Variants in PLCB4 observed in about 807,000 individuals in gnomAD.
The protein encoded by PLCB4 is phospholipase C beta 4.
Under a neutral mutation model 178.8 loss-of-function variants are expected in PLCB4, and 77 were observed. That is an observed-to-expected ratio of 0.43 (90% CI 0.36 to 0.52). The LOEUF (loss-of-function observed/expected upper bound fraction) is 0.52. PLCB4 is among the 20% of genes least tolerant of loss of function. PLCB4 has a pLI of 0.00. For synonymous variants in PLCB4, 496 were observed against 490.8 expected (o/e 1.01, Z -0.14); for missense variants, 1,024 against 1,453.4 (o/e 0.70, Z 4.80).
chr20:9,115,300 A>C (rs2091736427), intron 2 of PLCB4, among the ~76,000 whole-genome samples: 1 of 152,126 alleles, frequency 6.6e-6, no homozygotes, highest in Non-Finnish European at 1.5e-5. Flanking sequence ...TGGAATGTGT[A>C]CACATTTTAA....
At chr20:9,311,700 A>T (rs1239055225) in intron 4 of PLCB4, among the ~76,000 whole-genome samples, 1 of 151,772 alleles carries the variant, frequency 6.6e-6, no homozygotes, top group Admixed American at 6.6e-5. Context: ...TTCACCTCAA[A>T]CTCTCCTACT....
intron 3 of PLCB4, among the ~76,000 whole-genome samples, chr20:9,256,195 GT>G (rs1342472658): frequency 6.6e-6 from 1 of 152,160 alleles, no homozygotes; most frequent in African/African-American, 2.4e-5. Flanking sequence ...TAGCTTCTTT[GT>G]TGTCCCTTGT....
Position 9,444,100 on chromosome 20 carries a change from T to G in PLCB4, c.2814+70T>G, listed in dbSNP as rs2042264863. On this transcript the variant is annotated intron_variant, in intron 31 of 39. Coordinates refer to ENST00000378473, the MANE Select transcript of PLCB4 (RefSeq NM_001377142.1). ...ATTGGTGACACCAATATATTTTTGT[T>G]TCTCACCAAGTGTAATCATTGTGAT... 3.5e-6 allele frequency: 5 copies of G among 1,444,210 alleles called. No individual in the cohort carries two copies. In the South Asian group the frequency reaches 4.8e-5, roughly 14 times the overall value. The allele number at this position is 1,444,210 out of a possible 1,614,324, so 89.5% of individuals were successfully genotyped here.
intron 25 of PLCB4, among the ~76,000 whole-genome samples, chr20:9,418,703 A>G (rs931061530): frequency 4.6e-5 from 7 of 152,136 alleles, no homozygotes; most frequent in African/African-American, 1.7e-4. Context: ...GTTTCTACCA[A>G]AAAGTCAGCT....
intron 4 of PLCB4, among the ~76,000 whole-genome samples, chr20:9,313,184 AATG>A (rs1462697804): frequency 1.3e-5 from 2 of 152,232 alleles, no homozygotes; most frequent in Non-Finnish European, 2.9e-5. Flanking sequence ...CAGTCATCAA[AATG>A]ATAATAATCA....
At chr20:9,259,616 T>A (rs2094276224) in intron 3 of PLCB4, among the ~76,000 whole-genome samples, 1 of 152,084 alleles carries the variant, frequency 6.6e-6, no homozygotes, top group South Asian at 2.1e-4. Flanking sequence ...AATGGCATAC[T>A]GTGGAGTTAA....
intron 2 of PLCB4, among the ~76,000 whole-genome samples, chr20:9,178,704 T>C (rs2093195443): frequency 6.6e-6 from 1 of 151,916 alleles, no homozygotes. Context: ...ATTTCACCCT[T>C]AGGGGCTAAA....
chr20:9,387,051 C>T (rs1023409279), intron 14 of PLCB4, among the ~76,000 whole-genome samples: 1 of 151,862 alleles, frequency 6.6e-6, no homozygotes, highest in African/African-American at 2.4e-5. Flanking sequence ...AAGTAGCCAT[C>T]ACACCTGGCT....
At chr20:9,266,314 C>A (rs987280408) in intron 3 of PLCB4, among the ~76,000 whole-genome samples, 1 of 152,108 alleles carries the variant, frequency 6.6e-6, no homozygotes, top group Non-Finnish European at 1.5e-5. Flanking sequence ...TTAACAAGCT[C>A]GCTTGGTAAT....
At chr20:9,104,031 A>T in intron 2 of PLCB4, among the ~76,000 whole-genome samples, 1 of 152,066 alleles carries the variant, frequency 6.6e-6, no homozygotes, top group East Asian at 1.9e-4. Flanking sequence ...TAAGTGCTTG[A>T]AACAGTAACA....
At chr20:9,202,344 A>G (rs1353554673) in intron 2 of PLCB4, among the ~76,000 whole-genome samples, 2 of 152,232 alleles carry the variant, frequency 1.3e-5, no homozygotes, top group Non-Finnish European at 1.5e-5. Context: ...AGCATTGCAC[A>G]TGAGAGAGTC....
At chr20:9,392,394 A>G (rs549961363) in intron 17 of PLCB4, among the ~76,000 whole-genome samples, 1 of 152,336 alleles carries the variant, frequency 6.6e-6, no homozygotes, top group African/African-American at 2.4e-5. Context: ...TGTCCGGTCT[A>G]TGTAAATGAA....
intron 25 of PLCB4, among the ~76,000 whole-genome samples, chr20:9,412,808 G>T (rs2039949528): frequency 6.6e-6 from 1 of 152,100 alleles, no homozygotes; most frequent in Non-Finnish European, 1.5e-5. Flanking sequence ...TTACTCCATG[G>T]TTCTAAATCT....
At chr20:9,430,180 G>A (rs889101261) in intron 28 of PLCB4, among the ~76,000 whole-genome samples, 1 of 152,244 alleles carries the variant, frequency 6.6e-6, no homozygotes, top group Non-Finnish European at 1.5e-5. Context: ...GCCATCCTGG[G>A]CCACATGTGG....
intron 7 of PLCB4, among the ~76,000 whole-genome samples, chr20:9,359,567 G>A (rs1373946620): frequency 2.6e-5 from 4 of 152,170 alleles, no homozygotes; most frequent in South Asian, 4.1e-4. Flanking sequence ...CATCAGAGCC[G>A]ACCTCCTGTG....
chr20:9,143,844 T>TA (rs1161926886), intron 2 of PLCB4, among the ~76,000 whole-genome samples: 20 of 152,116 alleles, frequency 1.3e-4, no homozygotes, highest in African/African-American at 4.8e-4. Context: ...TCCTGGTGGC[T>TA]ATGGCTTCAT....
intron 4 of PLCB4, among the ~76,000 whole-genome samples, chr20:9,335,513 A>G (rs2032328450): frequency 6.6e-6 from 1 of 152,200 alleles, no homozygotes; most frequent in Admixed American, 6.5e-5. Context: ...AATGTCATAT[A>G]CTGGCACTTT....
intron 3 of PLCB4, chr20:9,280,460 G>A (rs2094485216): frequency 1.0e-6 from 1 of 984,360 alleles, no homozygotes; most frequent in African/African-American, 1.7e-5. Flanking sequence ...GGGGAGAAGG[G>A]AAGGGAAAAA....
chr20:9,133,880 A>G (rs2092329136), intron 2 of PLCB4, among the ~76,000 whole-genome samples: 1 of 152,064 alleles, frequency 6.6e-6, no homozygotes, highest in African/African-American at 2.4e-5. Context: ...ATCAGTGTCA[A>G]CTCCAGGTGG....
Sources: gnomAD v4.1 joint callset for allele counts (sites outside exome capture counted in the v4.1 genomes callset) on GRCh38, gnomAD v4.1.1 for gene constraint, MANE v1.5 for transcripts, NCBI Gene and HGNC (gene_info 2026-07-23, HGNC 2026-07-21) for gene names.